SMARCC1: variants seen among roughly 807,000 people sequenced by gnomAD.
SMARCC1 encodes SWI/SNF complex subunit SMARCC1.
SMARCC1 carries 43 observed loss-of-function variants against 147.4 expected under a neutral mutation model. The ratio of observed to expected loss-of-function variants is 0.29; its 90% CI spans 0.23 to 0.38. SMARCC1 has a LOEUF of 0.38. SMARCC1 is among the 10% of genes least tolerant of loss of function. The pLI, the probability that SMARCC1 is intolerant of heterozygous loss-of-function variation, is 1.00. For synonymous variants in SMARCC1, 495 were observed against 484.4 expected (o/e 1.02, Z -0.29); for missense variants, 1,119 against 1,381.1 (o/e 0.81, Z 3.01).
At chr3:47,685,995 G>A in intron 14 of SMARCC1, 54 bp downstream of exon 14, 1 of 1,500,062 alleles carries the variant, frequency 6.7e-7, no homozygotes, top group Non-Finnish European at 9.0e-7. Flanking sequence ...TGATTTCAAG[G>A]AAAGTTCTTG....
chr3:47,693,270 G>T lies in SMARCC1; in HGVS notation c.1196C>A (p.Pro399His). 1 of 1,591,246 alleles carries T rather than the reference G, an allele frequency of 6.3e-7. No individual in the cohort carries two copies. Among genetic ancestry groups the T allele is most frequent in the Non-Finnish European group, 8.6e-7 (1 of 1,159,408 alleles). Residue 399 changes from proline (P) to histidine (H), a missense_variant, in exon 12 of 28, where the codon CCT becomes CAT. Coordinates refer to ENST00000254480, the MANE Select transcript of SMARCC1 (RefSeq NM_003074.4). ...ATCCGCTACAGTTCCTCCTTTAACAGGTGTATTTTCACTATCTTTCTTTAG... is the reference window on the plus strand; with the variant it reads ...ATCCGCTACAGTTCCTCCTTTAACATGTGTATTTTCACTATCTTTCTTTAG... ...VNLKKDSENT[P>H]VKGGTVADLD...
chr3:47,721,741 T>C (rs571753377), intron 6 of SMARCC1, among the ~76,000 whole-genome samples: 2 of 152,228 alleles, frequency 1.3e-5, no homozygotes, highest in Admixed American at 6.5e-5. Context: ...CCAGGTGTGG[T>C]GGTTCATGCC....
rs546807356 is a variant in SMARCC1, at chr3:47,590,842, G to A, written c.3044-5C>T. ...AACCTGGGCCTGGTATCTGACCTGT[G>A]GAGGGAGATTTAAAGTACTGTAAGT... On this transcript the variant is annotated splice_region_variant and splice_polypyrimidine_tract_variant and intron_variant, in intron 26 of 27. Coordinates refer to ENST00000254480, the MANE Select transcript of SMARCC1 (RefSeq NM_003074.4). 7 of 1,599,624 alleles carry A rather than the reference G, an allele frequency of 4.4e-6. No individual in the cohort carries two copies. The African/African-American group carries it at 9.4e-5, about 22-fold the overall frequency.
At chr3:47,671,207 A>C (rs1427527046) in intron 18 of SMARCC1, among the ~76,000 whole-genome samples, 1 of 149,916 alleles carries the variant, frequency 6.7e-6, no homozygotes, top group Non-Finnish European at 1.5e-5. Flanking sequence ...AACACACACA[A>C]AAACCAAAAC....
chr3:47,713,722 A>G lies in SMARCC1; in HGVS notation c.792+693T>C, dbSNP rs868240224. ...TTATTTCCACATCAAAAGTTGATTAAAAGTCAATGTATGGACTCTTATTAC... is the reference window on the plus strand; with the variant it reads ...TTATTTCCACATCAAAAGTTGATTAGAAGTCAATGTATGGACTCTTATTAC... On this transcript the variant is annotated intron_variant, in intron 8 of 27. Coordinates refer to ENST00000254480, the MANE Select transcript of SMARCC1 (RefSeq NM_003074.4). 3.3e-4 allele frequency among the ~76,000 whole-genome samples: 50 copies of G among 152,330 alleles called. 1 individual carries two copies. The highest frequency in any genetic ancestry group is 3.4e-3 in the Middle Eastern group (1 of 294).
intron 3 of SMARCC1, among the ~76,000 whole-genome samples, chr3:47,743,003 C>T (rs1419315137): frequency 6.6e-6 from 1 of 152,226 alleles, no homozygotes. Context: ...AAAACAAAGA[C>T]TACTGAGAAG....
chr3:47,629,588 C>G (rs944094834), intron 24 of SMARCC1, among the ~76,000 whole-genome samples: 6 of 152,166 alleles, frequency 3.9e-5, no homozygotes, highest in Admixed American at 3.9e-4. Flanking sequence ...TTGTGACATT[C>G]TTCTCTCAAA....
intron 13 of SMARCC1, among the ~76,000 whole-genome samples, chr3:47,686,982 C>CA (rs540274795): frequency 1.2e-4 from 18 of 149,958 alleles, no homozygotes; most frequent in Admixed American, 4.6e-4. Context: ...GACCCTGCCT[C>CA]AAAAAAAAAT....
At chr3:47,616,916 T>C (rs979186603) in intron 25 of SMARCC1, among the ~76,000 whole-genome samples, 1 of 152,204 alleles carries the variant, frequency 6.6e-6, no homozygotes, top group African/African-American at 2.4e-5. Context: ...AAAAATGTTA[T>C]CCTAAAGCTA....
intron 26 of SMARCC1, among the ~76,000 whole-genome samples, chr3:47,606,624 G>C (rs1160312166): frequency 6.6e-6 from 1 of 152,156 alleles, no homozygotes; most frequent in Admixed American, 6.6e-5. Context: ...GCACCATCAA[G>C]AGCCAAATAC....
intron 5 of SMARCC1, among the ~76,000 whole-genome samples, chr3:47,734,023 A>G (rs914597862): frequency 1.3e-5 from 2 of 152,056 alleles, no homozygotes; most frequent in African/African-American, 4.8e-5. Context: ...GTATACACAT[A>G]TGTATATACA....
intron 5 of SMARCC1, among the ~76,000 whole-genome samples, chr3:47,733,989 ATATG>A (rs1426487206): frequency 2.4e-4 from 36 of 152,194 alleles, no homozygotes; most frequent in East Asian, 9.6e-4. Context: ...ATATATATAC[ATATG>A]TATGTATATC....
chr3:47,604,723 G>T (rs1465063257), intron 26 of SMARCC1: 2 of 63,796 alleles, frequency 3.1e-5, no homozygotes, highest in African/African-American at 4.9e-5. Context: ...TTGAGATAGG[G>T]TCTCTCACTC....
intron 5 of SMARCC1, among the ~76,000 whole-genome samples, chr3:47,732,193 C>A (rs893537949): frequency 6.6e-6 from 1 of 152,194 alleles, no homozygotes; most frequent in Non-Finnish European, 1.5e-5. Context: ...CATTAGGCAA[C>A]CTCTGCTGGC....
At chr3:47,770,430 G>A (rs2034899544) in intron 2 of SMARCC1, among the ~76,000 whole-genome samples, 1 of 150,868 alleles carries the variant, frequency 6.6e-6, no homozygotes, top group African/African-American at 2.4e-5. Flanking sequence ...ACACCAGCCT[G>A]GTCAACATGG....
At chr3:47,649,164 G>T (rs1314595728) in intron 21 of SMARCC1, among the ~76,000 whole-genome samples, 1 of 152,178 alleles carries the variant, frequency 6.6e-6, no homozygotes, top group Non-Finnish European at 1.5e-5. Flanking sequence ...CCCACTCCAC[G>T]TGATGTAAGT....
intron 16 of SMARCC1, among the ~76,000 whole-genome samples, 178 bp from the exon 17 acceptor site, chr3:47,676,960 A>G (rs1318278467): frequency 2.0e-5 from 3 of 152,214 alleles, no homozygotes; most frequent in African/African-American, 7.2e-5. Flanking sequence ...TCTACAAGCC[A>G]CAAGTAATGT....
At chr3:47,731,916 C>A (rs564753030) in intron 5 of SMARCC1, among the ~76,000 whole-genome samples, 1 of 152,220 alleles carries the variant, frequency 6.6e-6, no homozygotes. Context: ...CTTCAACTTA[C>A]AGTCACCAAC....
intron 18 of SMARCC1, among the ~76,000 whole-genome samples, chr3:47,672,641 G>A (rs1245447990): frequency 6.6e-6 from 1 of 152,138 alleles, no homozygotes; most frequent in African/African-American, 2.4e-5. Flanking sequence ...AACAAAACCT[G>A]AGCAAATATA....
Sources: allele counts gnomAD v4.1 joint callset (sites outside exome capture counted in the v4.1 genomes callset), GRCh38; gene constraint gnomAD v4.1.1; transcripts MANE v1.5; gene names NCBI Gene and HGNC (gene_info 2026-07-23, HGNC 2026-07-21).